The following CAPN12 variants were observed in gnomAD, a reference collection of about 807,000 sequenced individuals.
CAPN12 encodes calpain 12, also known as calpain-12.
A neutral mutation model predicts 95.0 loss-of-function variants in CAPN12; 107 were observed. The observed-to-expected ratio is 1.13, with a 90% CI of 0.96 to 1.32. The LOEUF (loss-of-function observed/expected upper bound fraction) is 1.32. CAPN12 is among the 40% of genes most tolerant of loss of function. The pLI is 0.00. For synonymous variants in CAPN12, 505 were observed against 415.5 expected (o/e 1.22, Z -2.62); for missense variants, 1,136 against 997.8 (o/e 1.14, Z -1.87).
At chr19:38,744,508 G>A (rs993467681), upstream of CAPN12, 10 of 379,586 alleles carry the variant, frequency 2.6e-5, no homozygotes, top group Admixed American at 3.8e-4. Flanking sequence ...TATGCCTGTG[G>A]GGCTGGGGAA....
In CAPN12 at chr19:38,734,336, G is replaced by A. The variant is rs553953081; in HGVS notation, c.1798C>T (p.Leu600=). Residue 600 remains leucine, a synonymous_variant, in exon 16 of 21, where the codon CTG becomes TTG. Coordinates refer to ENST00000328867, the MANE Select transcript of CAPN12 (RefSeq NM_144691.4). ...CCATGTACCCCGAAACACTGCAGCA[G>A]CTGCTCACAGGTCCTGAGCCCGATC... ...REIGLRTCEQ[L]LQCFGHGQSL... 2 of 1,608,320 alleles carry A rather than the reference G, an allele frequency of 1.2e-6. No individual in the cohort carries two copies. The highest frequency in any genetic ancestry group is 2.2e-5 in the South Asian group (2 of 90,628).
Position 38,742,635 on chromosome 19 carries a change from G to A in CAPN12, c.308-107C>T, listed in dbSNP as rs539926462. ...TGGGAGGCCAAGGCAGAAAGATCACGTGAGCCTAGGAGTTCAAGACCAGCC... is the reference window on the plus strand; with the variant it reads ...TGGGAGGCCAAGGCAGAAAGATCACATGAGCCTAGGAGTTCAAGACCAGCC... On this transcript the variant is annotated intron_variant, in intron 2 of 20. Coordinates refer to ENST00000328867, the MANE Select transcript of CAPN12 (RefSeq NM_144691.4). 6.8e-5 allele frequency: 51 copies of A among 747,330 alleles called. 1 individual carries two copies. The East Asian group carries it at 1.1e-3, about 16-fold the overall frequency. 46.3% of individuals were successfully genotyped at this position (747,330 alleles called of 1,614,324 possible). A position where few individuals can be genotyped will look rare whatever the true frequency, so the allele number is the denominator to read the frequency against.
chr19:38,735,239 T>G, intron 14 of CAPN12, 131 bp downstream of exon 14: 3 of 878,700 alleles, frequency 3.4e-6, no homozygotes, highest in South Asian at 1.8e-5. Context: ...CAAGAAAAGG[T>G]CAGGAGATTT....
At position 38,742,340 on chromosome 19, in the gene CAPN12, AAAAG is replaced by A. The variant is rs1356164198; in HGVS notation, c.426+66_426+69del. 6.5e-6 allele frequency: 8 copies of A among 1,223,842 alleles called. No homozygotes were observed. The African/African-American group carries it at 7.6e-5, about 12-fold the overall frequency. The allele number at this position is 1,223,842 out of a possible 1,614,324, so 75.8% of individuals were successfully genotyped here. On this transcript the variant is annotated intron_variant, in intron 3 of 20. Transcript: ENST00000328867. The stretch of plus-strand genomic sequence containing the variant: ...TGAGATTCCATCTCAAAAAAAAAAA[AAAAG>A]AAAAATCCATATCACCAAGTCACCA...
At chr19:38,736,445 T>G (rs1970157302) in intron 11 of CAPN12, 107 bp downstream of exon 11, 2 of 1,426,070 alleles carry the variant, frequency 1.4e-6, no homozygotes, top group Non-Finnish European at 1.9e-6. Context: ...GACCCGGCTC[T>G]GCCCCCCCAC....
chr19:38,742,943 C>A lies in CAPN12; in HGVS notation c.307+90G>T. 6 of 1,168,976 alleles carry A rather than the reference C, an allele frequency of 5.1e-6. No individual in the cohort carries two copies. The South Asian group carries it at 7.6e-5, about 15-fold the overall frequency. The allele number at this position is 1,168,976 out of a possible 1,614,324, so 72.4% of individuals were successfully genotyped here. ...AAGAGACTGAGGAGGGATCCAGGGG[C>A]CGGGAGTGGGTGGACAAAGGGATGG... On this transcript the variant is annotated intron_variant, in intron 2 of 20. Transcript: ENST00000328867.
At chr19:38,733,667 C>T in intron 18 of CAPN12, 36 bp downstream of exon 18, 4 of 1,579,882 alleles carry the variant, frequency 2.5e-6, no homozygotes, top group Non-Finnish European at 3.5e-6. Flanking sequence ...GAGAACAGGT[C>T]CTGTCCCCAC....
At chr19:38,740,261 G>T in intron 4 of CAPN12, 42 bp from the exon 5 acceptor site, 1 of 1,524,760 alleles carries the variant, frequency 6.6e-7, no homozygotes, top group Non-Finnish European at 8.8e-7. Context: ...GCAAGTACAA[G>T]CGTCTCAGGC....
intron 19 of CAPN12, 35 bp from the exon 20 acceptor site, chr19:38,731,058 TC>T (rs1206088324): frequency 6.4e-6 from 10 of 1,561,488 alleles, no homozygotes; most frequent in Non-Finnish European, 6.9e-6. Context: ...TGCCCACCAG[TC>T]CCCGTACCCC....
rs190044863 is a variant in CAPN12 at position 38,734,036 on chromosome 19, C to G, written c.1878+106G>C. ...CCAGATCTCTCCAAGTCAGCCTAGT[C>G]CAGTACCCCCTCGTTCCCTGGGGAC... On this transcript the variant is annotated intron_variant, in intron 17 of 20. Coordinates refer to ENST00000328867, the MANE Select transcript of CAPN12 (RefSeq NM_144691.4). 1.5e-3 allele frequency: 1,842 copies of G among 1,268,028 alleles called. 28 individuals carry two copies. The South Asian group carries it at 0.02, about 14-fold the overall frequency. The allele number at this position is 1,268,028 out of a possible 1,614,324, so 78.5% of individuals were successfully genotyped here.
intron 15 of CAPN12, 141 bp from the exon 16 acceptor site, chr19:38,734,530 G>A (rs921710682): frequency 1.4e-5 from 10 of 739,774 alleles, no homozygotes; most frequent in African/African-American, 1.8e-5. Flanking sequence ...GCCAGTGACT[G>A]CTGCGCCTAG....
At chr19:38,733,628 C>T in intron 18 of CAPN12, 75 bp downstream of exon 18, 1 of 1,335,604 alleles carries the variant, frequency 7.5e-7, no homozygotes, top group South Asian at 1.2e-5. Flanking sequence ...CACAGCTGAG[C>T]AGGGGGACTT....
rs1970195722 is a variant in CAPN12, at chr19:38,736,667, T to G, written c.1363-104A>C. 12 of 1,305,458 alleles carry G rather than the reference T, an allele frequency of 9.2e-6. No individual in the cohort carries two copies. The South Asian group carries it at 1.9e-4, about 21-fold the overall frequency. The allele number at this position is 1,305,458 out of a possible 1,614,324, so 80.9% of individuals were successfully genotyped here. A position where few individuals can be genotyped will look rare whatever the true frequency, so the allele number is the denominator to read the frequency against. On this transcript the variant is annotated intron_variant, in intron 10 of 20. Coordinates refer to ENST00000328867, the MANE Select transcript of CAPN12 (RefSeq NM_144691.4). ...ACCTCTGTGCTCTCTCCCTCCTTCT[T>G]CGTCCTATTAGACCCTTATTGAACC...
chr19:38,738,783 T>C (rs1184619883), intron 5 of CAPN12, 135 bp from the exon 6 acceptor site: 1 of 721,692 alleles, frequency 1.4e-6, no homozygotes. Flanking sequence ...TCAGAGACCA[T>C]GTCAGGGTTA....
At position 38,735,538 on chromosome 19, in the gene CAPN12, G is replaced by A. The variant is rs768570412; in HGVS notation, c.1590C>T (p.Ile530=). ...FSERRHTAVE[I]DDVISADLQS... is the part of the protein sequence containing the mutation. Reference sequence around the variant, plus strand: ...GCAGGTCTGCGCTGATCACGTCGTCGATCTCCCTGCAAATTACAGATGGGA... The same window carrying A: ...GCAGGTCTGCGCTGATCACGTCGTCAATCTCCCTGCAAATTACAGATGGGA... Residue 530 remains isoleucine, a synonymous_variant, in exon 13 of 21, where the codon ATC becomes ATT. Coordinates refer to ENST00000328867, the MANE Select transcript of CAPN12 (RefSeq NM_144691.4). 1.3e-5 allele frequency: 21 copies of A among 1,610,092 alleles called. No individual in the cohort carries two copies. In the South Asian group the frequency reaches 1.4e-4, roughly 11 times the overall value.
chr19:38,736,900 C>A, intron 10 of CAPN12: 1 of 454,570 alleles, frequency 2.2e-6, no homozygotes, highest in South Asian at 3.2e-5. Flanking sequence ...TGAGACCTGG[C>A]CCCCCAGCCC....
intron 8 of CAPN12, among the ~76,000 whole-genome samples, chr19:38,737,940 C>G (rs533832988): frequency 6.6e-6 from 1 of 152,278 alleles, no homozygotes; most frequent in East Asian, 1.9e-4. Flanking sequence ...CCTTCAGCCC[C>G]TCAACATTGC....
intron 3 of CAPN12, 36 bp from the exon 4 acceptor site, chr19:38,741,946 C>CA: frequency 1.2e-6 from 2 of 1,606,418 alleles, no homozygotes; most frequent in Non-Finnish European, 1.7e-6. Flanking sequence ...ACTCGGCTTC[C>CA]AACCTCCAAC....
chr19:38,735,439 G>T lies in CAPN12; in HGVS notation c.1627-10C>A. On this transcript the variant is annotated splice_polypyrimidine_tract_variant and intron_variant, in intron 13 of 20. Coordinates refer to ENST00000328867, the MANE Select transcript of CAPN12 (RefSeq NM_144691.4). ...GGGGCAGGTAGGGGCCCTGCCGCAT[G>T]GCGGAAGTTTAGCGCTGGCCAAGAT... 1 of 1,610,990 alleles carries T rather than the reference G, an allele frequency of 6.2e-7. No individual in the cohort carries two copies. The highest frequency in any genetic ancestry group is 8.5e-7 in the Non-Finnish European group (1 of 1,179,094).
Sources: gnomAD v4.1 joint callset for allele counts (sites outside exome capture counted in the v4.1 genomes callset) on GRCh38, gnomAD v4.1.1 for gene constraint, MANE v1.5 for transcripts, NCBI Gene and HGNC (gene_info 2026-07-23, HGNC 2026-07-21) for gene names.